Variants in GPHN observed in about 807,000 individuals in gnomAD.
The protein encoded by GPHN is gephyrin.
Under a neutral mutation model 95.5 loss-of-function variants are expected in GPHN, and 17 were observed. That is an observed-to-expected ratio of 0.18 (90% confidence interval 0.12 to 0.27). GPHN has a LOEUF of 0.27. Ranked by LOEUF, GPHN falls within the 10% of genes least tolerant of loss-of-function variation. GPHN has a pLI of 1.00. For synonymous variants in GPHN, 320 were observed against 322.5 expected, an observed-to-expected ratio of 0.99 and a Z score of 0.08; for missense variants, 660 against 978.1, an observed-to-expected ratio of 0.67 and a Z score of 4.34.
At chr14:67,443,229 G>T in the GPHN span, among the ~76,000 whole-genome samples, 3 of 149,142 alleles carry the variant, frequency 2.0e-5, no homozygotes, top group Non-Finnish European at 3.0e-5. Context: ...TCAAAAGAAA[G>T]AAAGAAAAAA....
chr14:66,659,423 C>A (rs546765115), intron 1 of GPHN, among the ~76,000 whole-genome samples: 8 of 152,040 alleles, frequency 5.3e-5, no homozygotes, highest in African/African-American at 1.7e-4. Flanking sequence ...CTAGAGTGTT[C>A]TTTAAATGTC....
At chr14:66,819,696 A>G (rs75899560) in intron 3 of GPHN, among the ~76,000 whole-genome samples, 1,670 of 152,142 alleles carry the variant, frequency 0.011, 24 homozygotes, top group African/African-American at 0.038. Context: ...TTAATGATAC[A>G]TACAAATTAC....
intron 9 of GPHN, among the ~76,000 whole-genome samples, chr14:66,997,199 C>G (rs1442425020): frequency 6.6e-6 from 1 of 151,950 alleles, no homozygotes; most frequent in Non-Finnish European, 1.5e-5. Context: ...AACCCCGTCT[C>G]TACTAAAAAT....
chr14:66,702,639 AC>A (rs1250093190), intron 2 of GPHN, among the ~76,000 whole-genome samples: 2 of 151,976 alleles, frequency 1.3e-5, no homozygotes, highest in Non-Finnish European at 2.9e-5. Flanking sequence ...CGTCATGAAA[AC>A]CCCATCCAAG....
chr14:67,232,197 A>G, the GPHN span, among the ~76,000 whole-genome samples: 1 of 152,144 alleles, frequency 6.6e-6, no homozygotes, highest in Non-Finnish European at 1.5e-5. Flanking sequence ...AAAACAGCCC[A>G]TAGTTTCTGT....
the GPHN span, among the ~76,000 whole-genome samples, chr14:67,319,790 C>A: frequency 6.6e-6 from 1 of 152,278 alleles, no homozygotes; most frequent in Middle Eastern, 3.4e-3. Context: ...GTTGTAGCCA[C>A]TATATGTAAA....
chr14:66,605,100 A>G (rs1271591800), intron 1 of GPHN, among the ~76,000 whole-genome samples: 1 of 152,030 alleles, frequency 6.6e-6, no homozygotes. Context: ...CGACTCTACC[A>G]TCGATGGGCA....
the GPHN span, chr14:67,303,489 A>G: frequency 1.9e-4 from 289 of 1,534,730 alleles, no homozygotes; most frequent in Non-Finnish European, 2.4e-4. Flanking sequence ...CATAAATGCA[A>G]ATTTAAAAAA....
intron 5 of GPHN, among the ~76,000 whole-genome samples, chr14:66,888,290 A>T (rs1174414297): frequency 6.6e-6 from 1 of 152,214 alleles, no homozygotes; most frequent in East Asian, 1.9e-4. Context: ...AATCGAAAAT[A>T]AAAAATCATG....
At chr14:67,106,630 T>C (rs924330701) in intron 13 of GPHN, among the ~76,000 whole-genome samples, 3 of 152,188 alleles carry the variant, frequency 2.0e-5, no homozygotes, top group African/African-American at 7.2e-5. Flanking sequence ...TTTTTTGAAT[T>C]ATTCAGCTGT....
chr14:67,208,203 A>G, the GPHN span: 2 of 1,612,232 alleles, frequency 1.2e-6, no homozygotes, highest in Non-Finnish European at 1.7e-6. Flanking sequence ...TTTTTAAAGG[A>G]AAAATTGAAA....
chr14:66,530,620 G>C (rs761331872), intron 1 of GPHN, among the ~76,000 whole-genome samples: 2 of 152,182 alleles, frequency 1.3e-5, no homozygotes, highest in African/African-American at 4.8e-5. Flanking sequence ...TGGTCTATGG[G>C]TTGTGAAGAC....
the GPHN span, among the ~76,000 whole-genome samples, chr14:67,463,783 T>C: frequency 6.6e-6 from 1 of 151,672 alleles, no homozygotes; most frequent in Non-Finnish European, 1.5e-5. Context: ...ACTAACTACA[T>C]CTGAGCTAAA....
the GPHN span, among the ~76,000 whole-genome samples, chr14:67,663,782 T>C: frequency 3.3e-5 from 5 of 152,186 alleles, no homozygotes; most frequent in South Asian, 4.1e-4. Context: ...TAAACATTTG[T>C]ATGGGGGAAA....
chr14:66,736,154 T>C (rs1399501433), intron 2 of GPHN, among the ~76,000 whole-genome samples: 2 of 150,614 alleles, frequency 1.3e-5, no homozygotes, highest in South Asian at 4.2e-4. Context: ...GAAGGTTACT[T>C]TTTTTTTTAA....
chr14:66,915,916 A>G (rs965618492), intron 5 of GPHN, 87 bp from the exon 6 acceptor site: 3 of 804,432 alleles, frequency 3.7e-6, no homozygotes, highest in Non-Finnish European at 4.5e-6. Context: ...TCACATGTAA[A>G]GTAAAATGAT....
intron 1 of GPHN, among the ~76,000 whole-genome samples, chr14:66,586,947 A>T (rs1398073596): frequency 6.6e-6 from 1 of 152,194 alleles, no homozygotes. Context: ...AATAGGAAAG[A>T]TGAACAAAAC....
the GPHN span, among the ~76,000 whole-genome samples, chr14:67,643,586 G>A: frequency 2.6e-5 from 4 of 152,322 alleles, no homozygotes; most frequent in African/African-American, 9.6e-5. Context: ...CTACTCAGGA[G>A]GCCAAGGTGG....
chr14:67,386,000 G>C, the GPHN span: 2 of 152,118 alleles, frequency 1.3e-5, no homozygotes, highest in African/African-American at 4.8e-5. Context: ...CTTGTTCACT[G>C]ATTTGCCCCA....
Sources: gnomAD v4.1 joint callset for allele counts (sites outside exome capture counted in the v4.1 genomes callset) on GRCh38, gnomAD v4.1.1 for gene constraint, MANE v1.5 for transcripts, NCBI Gene and HGNC (gene_info 2026-07-23, HGNC 2026-07-21) for gene names.